N4BP2: variants seen among roughly 807,000 people sequenced by gnomAD.
N4BP2 encodes the protein NEDD4-binding protein 2.
A neutral mutation model predicts 152.8 loss-of-function variants in N4BP2; 91 were observed. The observed-to-expected ratio is 0.60, with a 90% CI of 0.50 to 0.71. The LOEUF is 0.71. N4BP2 is among the 30% of genes least tolerant of loss of function. N4BP2 has a pLI of 0.00. For synonymous variants in N4BP2, 646 were observed against 705.3 expected (o/e 0.92, Z 1.33); for missense variants, 1,923 against 2,059.1 (o/e 0.93, Z 1.28).
rs147384270 is a variant in N4BP2, at chr4:40,131,722, C to T, written c.4528-79C>T. 118 of 1,023,288 alleles carry T rather than the reference C, an allele frequency of 1.2e-4. No individual in the cohort carries two copies. In the African/African-American group the frequency reaches 1.7e-3, roughly 14 times the overall value. The allele number at this position is 1,023,288 out of a possible 1,614,324, so 63.4% of individuals were successfully genotyped here. A position where few individuals can be genotyped will look rare whatever the true frequency, so the allele number is the denominator to read the frequency against. ...TTTTAAATCATCAGTAGTTTTGCAACAAGTTAACCATGCCTTTGGTCAGTG... is the reference window on the plus strand; with the variant it reads ...TTTTAAATCATCAGTAGTTTTGCAATAAGTTAACCATGCCTTTGGTCAGTG... On this transcript the variant is annotated intron_variant, in intron 12 of 17. Coordinates refer to ENST00000261435, the MANE Select transcript of N4BP2 (RefSeq NM_018177.6).
At chr4:40,176,493 A>G in the N4BP2 span, among the ~76,000 whole-genome samples, 1 of 152,108 alleles carries the variant, frequency 6.6e-6, no homozygotes. Flanking sequence ...TGGAGAGTGT[A>G]TAGTTTTGAC....
At chr4:40,169,430 G>C in the N4BP2 span, among the ~76,000 whole-genome samples, 1 of 150,932 alleles carries the variant, frequency 6.6e-6, no homozygotes, top group African/African-American at 2.4e-5. Context: ...CACATTATTT[G>C]ATGAAATTAG....
chr4:40,142,316 C>A (rs1261980501), intron 14 of N4BP2: 1 of 318,004 alleles, frequency 3.1e-6, no homozygotes, highest in Non-Finnish European at 6.2e-6. Flanking sequence ...GCGGTGGTGG[C>A]GACGGCTGGA....
chr4:40,119,138 A>G (rs773743772), intron 8 of N4BP2, among the ~76,000 whole-genome samples: 4 of 152,218 alleles, frequency 2.6e-5, no homozygotes, highest in Admixed American at 6.5e-5. Context: ...CTTCATTTCT[A>G]AAATGCCAGT....
chr4:40,167,268 G>C, the N4BP2 span: 2 of 152,118 alleles, frequency 1.3e-5, no homozygotes, highest in Non-Finnish European at 2.9e-5. Flanking sequence ...CAAGAGAAAA[G>C]CCAGATTTAA....
At position 40,118,614 on chromosome 4, in the gene N4BP2, G is replaced by C. The variant is rs142941513; in HGVS notation, c.1820+590G>C. On this transcript the variant is annotated intron_variant, in intron 8 of 17. Coordinates refer to ENST00000261435, the MANE Select transcript of N4BP2 (RefSeq NM_018177.6). ...CCGTGATTATGCTATGAATTCTCCT[G>C]CCAGTTTTACTTGACGCTCGCTGCT... Among the ~76,000 whole-genome samples the C allele has an allele frequency of 3.1e-3, 466 of 152,202 alleles. 5 individuals carry two copies. The highest frequency in any genetic ancestry group is 5.5e-3 in the Non-Finnish European group (373 of 67,996).
intron 2 of N4BP2, among the ~76,000 whole-genome samples, chr4:40,082,789 C>T (rs894936741): frequency 4.6e-5 from 7 of 152,128 alleles, no homozygotes; most frequent in African/African-American, 7.2e-5. Flanking sequence ...CAAGCTCTGC[C>T]GCCCGGGTTC....
intron 9 of N4BP2, among the ~76,000 whole-genome samples, chr4:40,122,645 G>A (rs1465814087): frequency 1.3e-5 from 2 of 152,126 alleles, no homozygotes; most frequent in Non-Finnish European, 2.9e-5. Context: ...ACACATTTCT[G>A]GAGGACTTTA....
chr4:40,160,445 G>A (rs941312032), downstream of N4BP2, among the ~76,000 whole-genome samples: 3 of 152,130 alleles, frequency 2.0e-5, no homozygotes, highest in African/African-American at 4.8e-5. Context: ...TGCAATACTC[G>A]CCTGTGATGT....
chr4:40,170,621 C>T, the N4BP2 span, among the ~76,000 whole-genome samples: 1 of 152,006 alleles, frequency 6.6e-6, no homozygotes, highest in African/African-American at 2.4e-5. Context: ...CCTGGGTGAC[C>T]AAGTGAGACC....
chr4:40,081,988 T>C (rs1223749913), intron 2 of N4BP2, among the ~76,000 whole-genome samples: 6 of 152,132 alleles, frequency 3.9e-5, no homozygotes, highest in Admixed American at 3.9e-4. Flanking sequence ...GGCGCATGCC[T>C]GTAATCCCAG....
chr4:40,135,319 G>A (rs1719288116), intron 13 of N4BP2, among the ~76,000 whole-genome samples: 1 of 151,466 alleles, frequency 6.6e-6, no homozygotes, highest in Admixed American at 6.6e-5. Context: ...TGGTGTATAT[G>A]TGCCACATTT....
intron 16 of N4BP2, among the ~76,000 whole-genome samples, chr4:40,149,954 A>T (rs1242142473): frequency 6.6e-6 from 1 of 152,132 alleles, no homozygotes; most frequent in Non-Finnish European, 1.5e-5. Context: ...AATTTGCCCA[A>T]GGTAATACTT....
In N4BP2 at chr4:40,156,133, A is replaced by T. The variant is rs1032033380; in HGVS notation, c.*1896A>T. ...ATATTCCTATGTATACATTAGTATG[A>T]TTTAAGGGTATGAAAAACAGTGCTA... On this transcript the variant is annotated 3_prime_UTR_variant, in exon 18 of 18. Coordinates refer to ENST00000261435, the MANE Select transcript of N4BP2 (RefSeq NM_018177.6). The T allele has an allele frequency of 2.0e-5, 3 of 152,208 alleles. No individual in the cohort carries two copies. Among genetic ancestry groups the T allele is most frequent in the African/African-American group, 7.2e-5 (3 of 41,450 alleles). 9.4% of individuals were successfully genotyped at this position (152,208 alleles called of 1,614,324 possible).
chr4:40,146,618 A>C (rs1720543656), intron 16 of N4BP2, among the ~76,000 whole-genome samples: 1 of 152,238 alleles, frequency 6.6e-6, no homozygotes, highest in Non-Finnish European at 1.5e-5. Context: ...TGATTACCAC[A>C]ATGAAGTACT....
the N4BP2 span, among the ~76,000 whole-genome samples, chr4:40,174,358 C>A: frequency 2.0e-5 from 3 of 152,118 alleles, no homozygotes; most frequent in East Asian, 5.8e-4. Flanking sequence ...AATAGAATTA[C>A]TAGATGAGCC....
chr4:40,133,051 T>G (rs2110016421), intron 13 of N4BP2, among the ~76,000 whole-genome samples: 1 of 152,288 alleles, frequency 6.6e-6, no homozygotes, highest in East Asian at 1.9e-4. Flanking sequence ...TTTAAAGAAC[T>G]TAGTACCTTG....
At chr4:40,173,466 C>A in the N4BP2 span, among the ~76,000 whole-genome samples, 1 of 152,120 alleles carries the variant, frequency 6.6e-6, no homozygotes, top group African/African-American at 2.4e-5. Context: ...TACTAGGAGG[C>A]AGCATTTGTA....
rs1721270198 is a variant in N4BP2 at position 40,152,892 on chromosome 4, C to T, written c.5256C>T (p.Ser1752=). The change falls in exon 17 of 18, where the codon AGC becomes AGT. Residue 1752 remains serine (S), a synonymous_variant. Coordinates refer to ENST00000261435, the MANE Select transcript of N4BP2 (RefSeq NM_018177.6). ...CAGCTGTCATTAAGTACCTCATAAG[C>T]CATAGCTTCAGGTGAGTGTAGATTT... ...IKPAVIKYLI[S]HSFRFSEIKP... 6.2e-7 allele frequency: 1 copy of T among 1,613,930 alleles called. No homozygotes were observed. The highest frequency in any genetic ancestry group is 8.5e-7 in the Non-Finnish European group (1 of 1,179,872).
Sources: gnomAD v4.1 joint callset for allele counts (sites outside exome capture counted in the v4.1 genomes callset) on GRCh38, gnomAD v4.1.1 for gene constraint, MANE v1.5 for transcripts, NCBI Gene and HGNC (gene_info 2026-07-23, HGNC 2026-07-21) for gene names.